Variants in RAPGEF4 observed in about 807,000 individuals in gnomAD.
The protein encoded by RAPGEF4 is Rap guanine nucleotide exchange factor 4, also known as RAP guanine-nucleotide-exchange factor (GEF) 4.
Under a neutral mutation model 147.9 loss-of-function variants are expected in RAPGEF4, and 66 were observed. The ratio of observed to expected loss-of-function variants is 0.45; its 90% CI spans 0.37 to 0.55. RAPGEF4 has a LOEUF of 0.55. Among genes scored for constraint, RAPGEF4 ranks in the 20% least tolerant of loss-of-function variants. RAPGEF4 has a pLI of 0.00. For synonymous variants in RAPGEF4, 419 were observed against 442.7 expected (o/e 0.95, Z 0.67); for missense variants, 1,071 against 1,257.3 (o/e 0.85, Z 2.24).
chr2:173,004,757 G>T (rs533690195), intron 17 of RAPGEF4, among the ~76,000 whole-genome samples: 1 of 151,774 alleles, frequency 6.6e-6, no homozygotes, highest in African/African-American at 2.4e-5. Context: ...TAATAAATTT[G>T]TTTTTAAAAT....
intron 4 of RAPGEF4, among the ~76,000 whole-genome samples, chr2:172,821,361 C>A (rs1689044460): frequency 6.6e-6 from 1 of 152,210 alleles, no homozygotes. Flanking sequence ...CAACCAGAGC[C>A]TCCAAGCCAA....
intron 1 of RAPGEF4, among the ~76,000 whole-genome samples, chr2:172,793,872 ATGCCTGTAATCCTAGCAC>A (rs2149541944): frequency 6.6e-6 from 1 of 152,270 alleles, no homozygotes. Flanking sequence ...ATGGTGGCTC[ATGCCTGTAATCCTAGCAC>A]TTTGGGAGGC....
chr2:172,856,133 GC>G (rs1046319752), intron 4 of RAPGEF4, among the ~76,000 whole-genome samples: 1 of 151,820 alleles, frequency 6.6e-6, no homozygotes, highest in African/African-American at 2.4e-5. Flanking sequence ...GATCCCTAAG[GC>G]CTTCTTCATT....
chr2:172,774,176 T>C (rs552878774), intron 1 of RAPGEF4, among the ~76,000 whole-genome samples: 6 of 152,368 alleles, frequency 3.9e-5, no homozygotes, highest in African/African-American at 1.2e-4. Flanking sequence ...GCATGACATA[T>C]GGAGCCCTAA....
chr2:172,942,158 A>G (rs1301909578), intron 6 of RAPGEF4, among the ~76,000 whole-genome samples: 1 of 150,880 alleles, frequency 6.6e-6, no homozygotes. Context: ...CTCTCTTAGC[A>G]ATCTTGAAAT....
Position 173,037,571 on chromosome 2 carries a change from G to T in RAPGEF4, c.2853+879G>T, listed in dbSNP as rs568405916. On this transcript the variant is annotated intron_variant, in intron 29 of 30. Coordinates refer to ENST00000397081, the MANE Select transcript of RAPGEF4 (RefSeq NM_007023.4). Reference sequence around the variant, plus strand: ...AGCATGCCAAAACCTTTCTTTAGCTGCATAGTGCATGCTGATGGAATGATC... The same window carrying T: ...AGCATGCCAAAACCTTTCTTTAGCTTCATAGTGCATGCTGATGGAATGATC... 2.0e-5 allele frequency among the ~76,000 whole-genome samples: 3 copies of T among 152,314 alleles called. No homozygotes were observed. In the South Asian group the frequency reaches 6.2e-4, roughly 32 times the overall value.
chr2:172,766,421 A>G (rs1467532610), intron 1 of RAPGEF4, among the ~76,000 whole-genome samples: 1 of 152,058 alleles, frequency 6.6e-6, no homozygotes, highest in East Asian at 1.9e-4. Flanking sequence ...GCATGCTGGC[A>G]CGCGCCCATA....
At chr2:172,946,060 T>G (rs1006217679) in intron 6 of RAPGEF4, among the ~76,000 whole-genome samples, 1 of 144,808 alleles carries the variant, frequency 6.9e-6, no homozygotes, top group Non-Finnish European at 1.5e-5. Flanking sequence ...TAGCAAATCA[T>G]TAAAAACTTA....
intron 3 of RAPGEF4, among the ~76,000 whole-genome samples, chr2:172,810,755 T>C (rs189215495): frequency 5.3e-5 from 8 of 152,166 alleles, no homozygotes; most frequent in Non-Finnish European, 1.2e-4. Flanking sequence ...ATGCAAGTGG[T>C]AAGTGACACT....
At chr2:172,769,608 G>A (rs1697172152) in intron 1 of RAPGEF4, among the ~76,000 whole-genome samples, 1 of 152,056 alleles carries the variant, frequency 6.6e-6, no homozygotes, top group Non-Finnish European at 1.5e-5. Flanking sequence ...TGCTCCCCAG[G>A]TGCTCTCAGT....
intron 10 of RAPGEF4, among the ~76,000 whole-genome samples, chr2:172,973,098 T>C (rs961587172): frequency 1.0e-3 from 118 of 116,088 alleles, no homozygotes; most frequent in Admixed American, 1.9e-3. Context: ...TTCAAGCCCC[T>C]TTTTTTTTCT....
chr2:172,977,067 C>T (rs1422017520), intron 10 of RAPGEF4, among the ~76,000 whole-genome samples: 3 of 152,182 alleles, frequency 2.0e-5, no homozygotes, highest in Non-Finnish European at 2.9e-5. Context: ...CAAGTAAAGA[C>T]CAGGTACATT....
At chr2:172,925,795 G>GAGAGAGAGAGAGAGAGAGAGAGAGAA (rs1685253077) in intron 6 of RAPGEF4, among the ~76,000 whole-genome samples, 1 of 105,248 alleles carries the variant, frequency 9.5e-6, no homozygotes, top group Non-Finnish European at 2.2e-5. Flanking sequence ...GAGAGAGAGA[G>GAGAGAGAGAGAGAGAGAGAGAGAGAA]AGAAAGAAAG....
chr2:172,781,507 C>CTG (rs1684677683), intron 1 of RAPGEF4, among the ~76,000 whole-genome samples: 1 of 152,126 alleles, frequency 6.6e-6, no homozygotes, highest in Non-Finnish European at 1.5e-5. Context: ...TGGCCTCAAG[C>CTG]GATCTTCCTG....
intron 10 of RAPGEF4, among the ~76,000 whole-genome samples, chr2:172,978,729 T>C (rs1298694296): frequency 6.6e-6 from 1 of 152,242 alleles, no homozygotes; most frequent in Non-Finnish European, 1.5e-5. Context: ...CTGCGGCTGC[T>C]TCCATTCTTG....
intron 4 of RAPGEF4, among the ~76,000 whole-genome samples, chr2:172,856,790 T>C (rs554854691): frequency 7.9e-5 from 12 of 152,284 alleles, no homozygotes; most frequent in African/African-American, 2.4e-4. Context: ...ATTTCCTCCT[T>C]TATTTTCTAG....
At chr2:172,882,704 G>A (rs970891948) in intron 4 of RAPGEF4, among the ~76,000 whole-genome samples, 17 of 152,100 alleles carry the variant, frequency 1.1e-4, no homozygotes, top group African/African-American at 3.9e-4. Context: ...TGAAAGTGAG[G>A]ATAGTGTCTG....
At chr2:172,857,880 T>C (rs1693613904) in intron 4 of RAPGEF4, among the ~76,000 whole-genome samples, 1 of 49,502 alleles carries the variant, frequency 2.0e-5, no homozygotes, top group Non-Finnish European at 3.3e-5. Context: ...AGACCCTGTC[T>C]CAAAAAAAAA....
chr2:173,043,213 C>T (rs897090281), intron 29 of RAPGEF4, among the ~76,000 whole-genome samples: 3 of 152,162 alleles, frequency 2.0e-5, no homozygotes, highest in Admixed American at 6.5e-5. Context: ...AACAAAGGTC[C>T]TATATTTGAT....
Sources: gnomAD v4.1 joint callset for allele counts (sites outside exome capture counted in the v4.1 genomes callset) on GRCh38, gnomAD v4.1.1 for gene constraint, MANE v1.5 for transcripts, NCBI Gene and HGNC (gene_info 2026-07-23, HGNC 2026-07-21) for gene names.